Variants in GRAMD1C observed in about 807,000 individuals in gnomAD.
The protein encoded by GRAMD1C is protein Aster-C.
A neutral mutation model predicts 97.8 loss-of-function variants in GRAMD1C; 89 were observed. The ratio of observed to expected loss-of-function variants is 0.91; its 90% CI spans 0.77 to 1.09. The LOEUF is 1.09. GRAMD1C is among the 50% of genes least tolerant of loss of function. GRAMD1C has a pLI of 0.00. For missense variants in GRAMD1C, 740 were observed against 766.4 expected (o/e 0.97, Z 0.41); for synonymous variants, 256 against 267.0 (o/e 0.96, Z 0.40).
chr3:113,828,605 G>A (rs1004252378), intron 1 of GRAMD1C, among the ~76,000 whole-genome samples: 3 of 152,052 alleles, frequency 2.0e-5, no homozygotes, highest in African/African-American at 7.2e-5. Context: ...TTTCATGTCA[G>A]AACACTATGC....
intron 3 of GRAMD1C, among the ~76,000 whole-genome samples, chr3:113,870,348 TGAGACCCTGACCCACCCCC>T (rs773421767): frequency 2.5e-3 from 370 of 148,082 alleles, no homozygotes; most frequent in Non-Finnish European, 4.0e-3. Context: ...GGCAACAGAG[TGAGACCCTGACCCACCCCC>T]AAACCCCCGC....
chr3:113,935,707 G>A (rs961355703), intron 13 of GRAMD1C, among the ~76,000 whole-genome samples: 18 of 151,528 alleles, frequency 1.2e-4, no homozygotes, highest in African/African-American at 4.4e-4. Flanking sequence ...TCTTCATCAG[G>A]AGCAGAGAAA....
At chr3:113,919,554 T>C in intron 10 of GRAMD1C, 1 of 558,534 alleles carries the variant, frequency 1.8e-6, no homozygotes, top group African/African-American at 1.9e-5. Context: ...TTTGAGTTTA[T>C]GCAAGTTAAA....
chr3:113,893,784 G>A (rs1935827475), intron 6 of GRAMD1C, among the ~76,000 whole-genome samples: 1 of 152,126 alleles, frequency 6.6e-6, no homozygotes, highest in Non-Finnish European at 1.5e-5. Flanking sequence ...TATACATTAC[G>A]TGTAACAGAT....
intron 9 of GRAMD1C, among the ~76,000 whole-genome samples, chr3:113,913,429 C>CAAAAAAAAAAAAAAAAAAAAAAA (rs765510213): frequency 1.5e-5 from 1 of 68,298 alleles, no homozygotes. Context: ...ACTCTGTCTC[C>CAAAAAAAAAAAAAAAAAAAAAAA]AAAAAAAAAA....
intron 1 of GRAMD1C, among the ~76,000 whole-genome samples, chr3:113,833,772 T>C (rs897628153): frequency 5.9e-5 from 9 of 152,212 alleles, no homozygotes; most frequent in African/African-American, 2.2e-4. Context: ...TTCCCCTGAT[T>C]GTGGTAAGGT....
At chr3:113,886,898 C>T (rs1935510856) in intron 6 of GRAMD1C, among the ~76,000 whole-genome samples, 1 of 148,888 alleles carries the variant, frequency 6.7e-6, no homozygotes, top group Non-Finnish European at 1.5e-5. Context: ...TCTCCTGCCT[C>T]AGCCTCCTGA....
At position 113,904,163 on chromosome 3, in the gene GRAMD1C, A is replaced by T. The variant is rs747733918; in HGVS notation, c.680A>T (p.Asp227Val). The change falls in exon 8 of 18, where the codon GAT becomes GTT. Residue 227 changes from aspartate (D) to valine (V), a missense_variant. Transcript: ENST00000358160. ...QPRSPGRSSL[D>V]DSGERDEKLS... ...AGAAGTCCAGGAAGAAGCAGCTTGG[A>T]TGACTCTGGGGAGAGAGATGAAAAA... The T allele has an allele frequency of 6.2e-7, 1 of 1,609,904 alleles. No homozygotes were observed. Among genetic ancestry groups the T allele is most frequent in the South Asian group, 1.1e-5 (1 of 90,934 alleles).
chr3:113,868,593 T>C (rs1210014720), intron 2 of GRAMD1C, among the ~76,000 whole-genome samples: 1 of 152,186 alleles, frequency 6.6e-6, no homozygotes, highest in Non-Finnish European at 1.5e-5. Flanking sequence ...GGATCACCTC[T>C]TATGTCAGCC....
At chr3:113,922,336 G>T (rs1465845745) in intron 10 of GRAMD1C, among the ~76,000 whole-genome samples, 8 of 152,158 alleles carry the variant, frequency 5.3e-5, no homozygotes, top group Non-Finnish European at 1.2e-4. Context: ...GCCTCCTAGA[G>T]TGCTGAGATT....
chr3:113,834,768 T>C (rs1209193143), upstream of GRAMD1C, among the ~76,000 whole-genome samples: 3 of 142,206 alleles, frequency 2.1e-5, no homozygotes, highest in East Asian at 6.1e-4. Context: ...ACTCTGTCTC[T>C]ACTAAAAAAA....
At chr3:113,917,755 C>G (rs1372144249) in intron 10 of GRAMD1C, among the ~76,000 whole-genome samples, 1 of 150,174 alleles carries the variant, frequency 6.7e-6, no homozygotes, top group African/African-American at 2.5e-5. Context: ...TGCTATGGTG[C>G]AATCTCGGCT....
At chr3:113,888,615 C>T (rs1187768386) in intron 6 of GRAMD1C, among the ~76,000 whole-genome samples, 1 of 152,036 alleles carries the variant, frequency 6.6e-6, no homozygotes, top group African/African-American at 2.4e-5. Flanking sequence ...AAGTTGTATA[C>T]CTTAAATATG....
chr3:113,942,596 G>A (rs1340738297), intron 17 of GRAMD1C, among the ~76,000 whole-genome samples: 4 of 152,160 alleles, frequency 2.6e-5, no homozygotes, highest in South Asian at 4.1e-4. Context: ...GCGGAAGAGG[G>A]ATAGGGGAAG....
rs745502928 is a variant in GRAMD1C at position 113,933,632 on chromosome 3, C to G, written c.1331C>G (p.Ser444Ter). ...AACAGATACTGTATCATCCGATCTTCAAAACAGAAATGCAGGCTAAGGTGA... is the reference window on the plus strand; with the variant it reads ...AACAGATACTGTATCATCCGATCTTGAAAACAGAAATGCAGGCTAAGGTGA... ...TVNRYCIIRS[S>*]KQKCRLRVST... Residue 444 changes from serine to a stop codon, truncating the protein, a stop_gained, in exon 12 of 18, where the codon TCA becomes TGA. Coordinates refer to ENST00000358160, the MANE Select transcript of GRAMD1C (RefSeq NM_017577.5). LOFTEE classifies it high-confidence loss of function. 7 of 1,608,344 alleles carry G rather than the reference C, an allele frequency of 4.4e-6. No homozygotes were observed. Among genetic ancestry groups the G allele is most frequent in the Non-Finnish European group, 6.0e-6 (7 of 1,175,228 alleles).
At chr3:113,882,939 TG>T (rs1935319201) in intron 6 of GRAMD1C, 107 bp downstream of exon 6, 1 of 541,364 alleles carries the variant, frequency 1.8e-6, no homozygotes, top group South Asian at 3.4e-5. Flanking sequence ...ACTAGATAAT[TG>T]AAATTCTAAG....
chr3:113,934,218 T>A (rs1937534987), intron 12 of GRAMD1C, among the ~76,000 whole-genome samples: 1 of 152,188 alleles, frequency 6.6e-6, no homozygotes, highest in Admixed American at 6.5e-5. Flanking sequence ...ATAAGTAAAA[T>A]GGCAAGTACT....
intron 6 of GRAMD1C, among the ~76,000 whole-genome samples, chr3:113,899,052 A>G (rs2107442288): frequency 6.6e-6 from 1 of 152,214 alleles, no homozygotes; most frequent in Middle Eastern, 3.4e-3. Flanking sequence ...AGAAAAAGGA[A>G]GTGGTATTTA....
chr3:113,855,271 A>G (rs1934074253), intron 2 of GRAMD1C, among the ~76,000 whole-genome samples: 1 of 152,106 alleles, frequency 6.6e-6, no homozygotes, highest in Non-Finnish European at 1.5e-5. Context: ...AGATCATGCC[A>G]TTGCAGTCCA....
Sources: gnomAD v4.1 joint callset for allele counts (sites outside exome capture counted in the v4.1 genomes callset) on GRCh38, gnomAD v4.1.1 for gene constraint, MANE v1.5 for transcripts, NCBI Gene and HGNC (gene_info 2026-07-23, HGNC 2026-07-21) for gene names.